LRRTM4: variants seen among roughly 807,000 people sequenced by gnomAD.
LRRTM4 encodes leucine rich repeat transmembrane neuronal 4.
A neutral mutation model predicts 47.6 loss-of-function variants in LRRTM4; 25 were observed. That is an observed-to-expected ratio of 0.53 (90% CI 0.38 to 0.73). The LOEUF (loss-of-function observed/expected upper bound fraction) is 0.73, where lower values mean the gene tolerates loss of function less well. Among genes scored for constraint, LRRTM4 ranks in the 30% least tolerant of loss-of-function variants. The probability of loss-of-function intolerance (pLI) is 0.00; values close to 1 mark genes in which losing one functional copy is unlikely to be tolerated. For synonymous variants in LRRTM4, 311 were observed against 269.5 expected (o/e 1.15, Z -1.51); for missense variants, 638 against 713.4 (o/e 0.89, Z 1.20).
At chr2:77,223,867 T>G (rs990189808) in intron 3 of LRRTM4, among the ~76,000 whole-genome samples, 9 of 152,074 alleles carry the variant, frequency 5.9e-5, no homozygotes, top group Non-Finnish European at 1.3e-4. Flanking sequence ...TACTTCAAAG[T>G]TCATATGGAA....
intron 3 of LRRTM4, among the ~76,000 whole-genome samples, chr2:76,800,754 C>G (rs1287716509): frequency 2.9e-5 from 3 of 104,868 alleles, no homozygotes; most frequent in Non-Finnish European, 5.3e-5. Context: ...AACAAATTTA[C>G]AAGAAAAAAA....
At chr2:77,054,440 T>TA (rs1036058607) in intron 3 of LRRTM4, among the ~76,000 whole-genome samples, 8 of 151,890 alleles carry the variant, frequency 5.3e-5, no homozygotes, top group East Asian at 1.9e-4. Context: ...TTCTCCACAA[T>TA]AAAAAAAAGT....
At chr2:76,854,588 A>C (rs555189147) in intron 3 of LRRTM4, among the ~76,000 whole-genome samples, 3 of 152,334 alleles carry the variant, frequency 2.0e-5, no homozygotes, top group Middle Eastern at 3.4e-3. Flanking sequence ...TTTAATGTAT[A>C]CATAATCTAA....
intron 3 of LRRTM4, among the ~76,000 whole-genome samples, chr2:77,303,187 G>A (rs1250758344): frequency 1.3e-5 from 2 of 151,828 alleles, no homozygotes; most frequent in Non-Finnish European, 2.9e-5. Context: ...CCGGTGTCTC[G>A]GAGGCGGAGG....
intron 3 of LRRTM4, among the ~76,000 whole-genome samples, chr2:76,962,342 T>A (rs1031574412): frequency 1.3e-5 from 2 of 151,202 alleles, no homozygotes; most frequent in African/African-American, 4.8e-5. Context: ...GTTACAAATG[T>A]GGCAAACTCA....
intron 3 of LRRTM4, among the ~76,000 whole-genome samples, chr2:77,313,398 C>A (rs7602394): frequency 0.027 from 2,332 of 87,410 alleles, 30 homozygotes; most frequent in African/African-American, 0.17. Context: ...TGTGATGTGC[C>A]TCCCTACGTT....
chr2:77,411,554 G>T (rs1256661318), intron 3 of LRRTM4, among the ~76,000 whole-genome samples: 1 of 140,682 alleles, frequency 7.1e-6, no homozygotes, highest in African/African-American at 2.7e-5. Flanking sequence ...CCGGGTTCAC[G>T]CCATTCTCCT....
At chr2:76,793,651 C>T (rs1410170611) in intron 3 of LRRTM4, among the ~76,000 whole-genome samples, 1 of 152,100 alleles carries the variant, frequency 6.6e-6, no homozygotes, top group African/African-American at 2.4e-5. Context: ...AAAGAGGGAA[C>T]ACAGGATATG....
chr2:77,250,336 C>T (rs544798220), intron 3 of LRRTM4, among the ~76,000 whole-genome samples: 23 of 152,190 alleles, frequency 1.5e-4, no homozygotes, highest in Admixed American at 1.5e-3. Context: ...TTTCAATATA[C>T]ATTTGTCCGT....
At chr2:77,272,183 G>T (rs1342196567) in intron 3 of LRRTM4, among the ~76,000 whole-genome samples, 1 of 152,052 alleles carries the variant, frequency 6.6e-6, no homozygotes, top group Non-Finnish European at 1.5e-5. Context: ...ATATTACACA[G>T]ATTTTGGTAA....
At chr2:77,276,131 T>A (rs142637348) in intron 3 of LRRTM4, among the ~76,000 whole-genome samples, 2 of 152,106 alleles carry the variant, frequency 1.3e-5, no homozygotes, top group African/African-American at 4.8e-5. Context: ...GGGTTAAGTT[T>A]ATTAAGTTAA....
At chr2:77,384,552 G>T (rs770423636) in intron 3 of LRRTM4, among the ~76,000 whole-genome samples, 34 of 151,718 alleles carry the variant, frequency 2.2e-4, no homozygotes, top group Admixed American at 6.6e-5. Context: ...CAATAGACAG[G>T]TTTATACTAA....
intron 3 of LRRTM4, among the ~76,000 whole-genome samples, chr2:76,801,550 A>G (rs901108605): frequency 2.6e-5 from 4 of 152,082 alleles, no homozygotes; most frequent in Non-Finnish European, 5.9e-5. Context: ...GCATTAGGAG[A>G]TATACCTAAT....
At chr2:77,499,582 C>T (rs1040842166) in intron 3 of LRRTM4, among the ~76,000 whole-genome samples, 1 of 151,914 alleles carries the variant, frequency 6.6e-6, no homozygotes, top group African/African-American at 2.4e-5. Context: ...AAATGAACAA[C>T]ATGTGAATCA....
chr2:77,295,803 A>C (rs1005033960), intron 3 of LRRTM4, among the ~76,000 whole-genome samples: 2 of 151,336 alleles, frequency 1.3e-5, no homozygotes, highest in African/African-American at 4.9e-5. Context: ...ATATTAGATG[A>C]GGGCCCACTC....
intron 3 of LRRTM4, among the ~76,000 whole-genome samples, chr2:77,004,093 G>T (rs1677540157): frequency 6.6e-6 from 1 of 152,146 alleles, no homozygotes; most frequent in Non-Finnish European, 1.5e-5. Flanking sequence ...AGAGGAAGTA[G>T]AGCATAAAAG....
intron 3 of LRRTM4, among the ~76,000 whole-genome samples, chr2:76,814,514 AAATT>A (rs559962565): frequency 1.8e-3 from 271 of 152,280 alleles, no homozygotes; most frequent in African/African-American, 6.2e-3. Context: ...TTAAAAAAAT[AAATT>A]AATTAAAAGA....
At chr2:77,312,120 T>C (rs1450615533) in intron 3 of LRRTM4, among the ~76,000 whole-genome samples, 2 of 152,170 alleles carry the variant, frequency 1.3e-5, no homozygotes, top group African/African-American at 2.4e-5. Flanking sequence ...TTGTAAGTCA[T>C]TTGACTTCAA....
chr2:77,110,747 C>G (rs1385250850), intron 3 of LRRTM4, among the ~76,000 whole-genome samples: 1 of 152,002 alleles, frequency 6.6e-6, no homozygotes, highest in Admixed American at 6.6e-5. Flanking sequence ...AGATAGGTGT[C>G]TAAGGTACAT....
Sources: allele counts gnomAD v4.1 joint callset (sites outside exome capture counted in the v4.1 genomes callset), GRCh38; gene constraint gnomAD v4.1.1; transcripts MANE v1.5; gene names NCBI Gene and HGNC (gene_info 2026-07-23, HGNC 2026-07-21).